The following GRM1 variants were observed in gnomAD, a reference collection of about 807,000 sequenced individuals.
The protein encoded by GRM1 is glutamate metabotropic receptor 1, also known as metabotropic glutamate receptor 1.
A neutral mutation model predicts 90.9 loss-of-function variants in GRM1; 33 were observed. The observed-to-expected ratio is 0.36, with a 90% CI of 0.28 to 0.49. GRM1 has a LOEUF of 0.49. Among genes scored for constraint, GRM1 ranks in the 20% least tolerant of loss-of-function variants. The pLI is 0.99. For missense variants in GRM1, 1,190 were observed against 1,534.3 expected (o/e 0.78, Z 3.75); for synonymous variants, 700 against 613.2 (o/e 1.14, Z -2.09).
In GRM1 at chr6:146,313,945, A is replaced by G. The variant is rs115876122; in HGVS notation, c.1186+9099A>G. Among the ~76,000 whole-genome samples, 725 of 150,314 alleles carry G rather than the reference A, an allele frequency of 4.8e-3. 4 individuals carry two copies. The highest frequency in any genetic ancestry group is 0.017 in the African/African-American group (695 of 40,978). On this transcript the variant is annotated intron_variant, in intron 3 of 7. Coordinates refer to ENST00000282753, the MANE Select transcript of GRM1 (RefSeq NM_001278064.2). ...ATTTCTATACTTTAATATAAATTGA[A>G]TTTTTATAAAAGAGTACATTATAAA...
chr6:146,217,685 G>A (rs1177909635), intron 2 of GRM1, among the ~76,000 whole-genome samples: 1 of 152,118 alleles, frequency 6.6e-6, no homozygotes. Context: ...TTTCTTTTGT[G>A]TGTTTTCAGC....
intron 7 of GRM1, among the ~76,000 whole-genome samples, chr6:146,431,944 G>T (rs1778427196): frequency 6.6e-6 from 1 of 152,226 alleles, no homozygotes; most frequent in South Asian, 2.1e-4. Context: ...ACAGTTTTAA[G>T]CTCAGAAGAG....
intron 3 of GRM1, among the ~76,000 whole-genome samples, chr6:146,350,853 C>G (rs1420026846): frequency 6.6e-6 from 1 of 152,158 alleles, no homozygotes; most frequent in East Asian, 1.9e-4. Flanking sequence ...GCAAATTACA[C>G]TTTTAACAAT....
chr6:146,314,247 G>T (rs7767227), intron 3 of GRM1, among the ~76,000 whole-genome samples: 34,897 of 145,914 alleles, frequency 0.24, 8,709 homozygotes, highest in African/African-American at 0.64. Context: ...TTTTTTTTTT[G>T]GTATTTTTAG....
At chr6:146,071,019 C>G (rs1776001635) in intron 1 of GRM1, among the ~76,000 whole-genome samples, 1 of 152,140 alleles carries the variant, frequency 6.6e-6, no homozygotes, top group Non-Finnish European at 1.5e-5. Context: ...TTGGGAATCA[C>G]TTGCTTTTTG....
intron 1 of GRM1, among the ~76,000 whole-genome samples, chr6:146,040,856 CCTT>C (rs1366749107): frequency 3.3e-5 from 5 of 151,858 alleles, no homozygotes; most frequent in African/African-American, 7.2e-5. Flanking sequence ...TTTCTCAACT[CCTT>C]CTTGAAGGCC....
chr6:146,031,110 A>T (rs559252527), intron 1 of GRM1, among the ~76,000 whole-genome samples: 21 of 152,328 alleles, frequency 1.4e-4, no homozygotes, highest in African/African-American at 4.8e-4. Flanking sequence ...CCAGAGACTT[A>T]TGGATGTGAA....
chr6:146,136,496 A>G (rs942335022), intron 1 of GRM1, among the ~76,000 whole-genome samples: 1 of 152,144 alleles, frequency 6.6e-6, no homozygotes, highest in Non-Finnish European at 1.5e-5. Context: ...ATCTCTTTGT[A>G]GTTTTGACTT....
chr6:146,244,147 A>G (rs994563800), intron 2 of GRM1, among the ~76,000 whole-genome samples: 1 of 152,100 alleles, frequency 6.6e-6, no homozygotes, highest in African/African-American at 2.4e-5. Flanking sequence ...AGTTAACACA[A>G]TCATCACAGG....
intron 3 of GRM1, among the ~76,000 whole-genome samples, chr6:146,351,290 C>T (rs1342235543): frequency 2.0e-5 from 3 of 152,172 alleles, no homozygotes; most frequent in Non-Finnish European, 4.4e-5. Context: ...CCCCTACTAT[C>T]AGTCAAATGA....
At chr6:146,227,624 C>T (rs1780288979) in intron 2 of GRM1, among the ~76,000 whole-genome samples, 1 of 152,152 alleles carries the variant, frequency 6.6e-6, no homozygotes, top group Non-Finnish European at 1.5e-5. Flanking sequence ...TAATATGCTA[C>T]TAATCTATCA....
At chr6:146,116,970 G>A (rs1315505636) in intron 1 of GRM1, among the ~76,000 whole-genome samples, 1 of 151,538 alleles carries the variant, frequency 6.6e-6, no homozygotes, top group African/African-American at 2.4e-5. Context: ...TGGTTTACTT[G>A]CATTTTCTTT....
At chr6:146,367,563 C>T (rs1366378895) in intron 5 of GRM1, among the ~76,000 whole-genome samples, 1 of 152,024 alleles carries the variant, frequency 6.6e-6, no homozygotes, top group Non-Finnish European at 1.5e-5. Context: ...AGTTTTTCAA[C>T]CCATGGCCCC....
intron 2 of GRM1, among the ~76,000 whole-genome samples, chr6:146,297,829 C>A (rs986477699): frequency 1.3e-4 from 20 of 152,248 alleles, no homozygotes; most frequent in South Asian, 6.2e-4. Context: ...GGAAAATTAA[C>A]CCTCTATATG....
intron 1 of GRM1, among the ~76,000 whole-genome samples, chr6:146,159,144 C>T (rs1286539278): frequency 6.6e-6 from 1 of 152,154 alleles, no homozygotes; most frequent in Non-Finnish European, 1.5e-5. Context: ...GATCGTCTCT[C>T]GTTATTTCCA....
chr6:146,287,091 C>T (rs1264605938), intron 2 of GRM1, among the ~76,000 whole-genome samples: 11 of 152,076 alleles, frequency 7.2e-5, no homozygotes, highest in Non-Finnish European at 1.5e-4. Context: ...GATTATTGCT[C>T]GAATAATCTG....
chr6:146,097,075 A>G (rs369186724), intron 1 of GRM1, among the ~76,000 whole-genome samples: 3 of 152,288 alleles, frequency 2.0e-5, no homozygotes, highest in African/African-American at 7.2e-5. Context: ...TATGAGGAAC[A>G]TACTCCAAAA....
At chr6:146,055,705 T>C (rs578119535) in intron 1 of GRM1, among the ~76,000 whole-genome samples, 1 of 152,194 alleles carries the variant, frequency 6.6e-6, no homozygotes, top group African/African-American at 2.4e-5. Context: ...TCGGCAGCTG[T>C]AAAGTTGGGT....
At chr6:146,051,948 A>G (rs544135483) in intron 1 of GRM1, among the ~76,000 whole-genome samples, 2 of 152,218 alleles carry the variant, frequency 1.3e-5, no homozygotes, top group Non-Finnish European at 2.9e-5. Flanking sequence ...AAGTCATGTC[A>G]ACAAGATCAT....
Sources: allele counts gnomAD v4.1 joint callset (sites outside exome capture counted in the v4.1 genomes callset), GRCh38; gene constraint gnomAD v4.1.1; transcripts MANE v1.5; gene names NCBI Gene and HGNC (gene_info 2026-07-23, HGNC 2026-07-21).